Variants in PRKACB observed in about 807,000 individuals in gnomAD.
The protein encoded by PRKACB is protein kinase cAMP-activated catalytic subunit beta, also known as cAMP-dependent protein kinase catalytic subunit beta.
In PRKACB, 16 loss-of-function variants were observed where a neutral mutation model predicts 51.4. The observed-to-expected ratio is 0.31, with a 90% CI of 0.21 to 0.47. PRKACB has a LOEUF of 0.47. Among genes scored for constraint, PRKACB ranks in the 20% least tolerant of loss-of-function variants. PRKACB has a pLI of 1.00. For synonymous variants in PRKACB, 147 were observed against 154.4 expected, an observed-to-expected ratio of 0.95 and a Z score of 0.35; for missense variants, 309 against 464.5, an observed-to-expected ratio of 0.67 and a Z score of 3.08.
intron 1 of PRKACB, among the ~76,000 whole-genome samples, chr1:84,079,880 G>A (rs1333666502): frequency 6.6e-6 from 1 of 152,062 alleles, no homozygotes; most frequent in Non-Finnish European, 1.5e-5. Flanking sequence ...TGGTCAGGCT[G>A]GTCTCGAACT....
At chr1:84,147,743 A>C (rs1191670231) in intron 1 of PRKACB, among the ~76,000 whole-genome samples, 2 of 152,084 alleles carry the variant, frequency 1.3e-5, no homozygotes, top group Non-Finnish European at 2.9e-5. Context: ...TGAGACCTAG[A>C]GAAGAAGGTT....
chr1:84,190,321 A>G (rs1666382820), intron 5 of PRKACB, among the ~76,000 whole-genome samples: 1 of 151,964 alleles, frequency 6.6e-6, no homozygotes, highest in African/African-American at 2.4e-5. Flanking sequence ...AAATTACATG[A>G]GACATTGATT....
chr1:84,179,234 C>T lies in PRKACB; in HGVS notation c.245C>T (p.Thr82Ile), dbSNP rs1662377427. 2.5e-6 allele frequency: 4 copies of T among 1,576,854 alleles called. No homozygotes were observed. The South Asian group carries it at 3.6e-5, about 14-fold the overall frequency. ...EDFLKKWENP[T>I]QNNAGLEDFE... Reference sequence around the variant, plus strand: ...TTTTTGAAAAAATGGGAGAATCCAACTCAGGTAAGGAATATTTAGATTTTT... The same window carrying T: ...TTTTTGAAAAAATGGGAGAATCCAATTCAGGTAAGGAATATTTAGATTTTT... The change falls in exon 2 of 10, where the codon ACT becomes ATT. Residue 82 changes from threonine to isoleucine, a missense_variant. This residue lies in a region of PRKACB where 153 missense variants were observed against 190.2 expected (regional missense o/e 0.80). Coordinates refer to ENST00000370685, the MANE Select transcript of PRKACB (RefSeq NM_182948.4).
At chr1:84,125,379 G>T (rs920983034) in intron 1 of PRKACB, among the ~76,000 whole-genome samples, 1 of 152,188 alleles carries the variant, frequency 6.6e-6, no homozygotes, top group Non-Finnish European at 1.5e-5. Flanking sequence ...GCTGGACAAG[G>T]TTCTCTGCTT....
intron 1 of PRKACB, among the ~76,000 whole-genome samples, chr1:84,159,930 A>C (rs1655977755): frequency 6.6e-6 from 1 of 152,122 alleles, no homozygotes; most frequent in Non-Finnish European, 1.5e-5. Context: ...AATAAATCCC[A>C]CATGGTCATT....
At chr1:84,173,282 T>C (rs762826857) in intron 1 of PRKACB, 1 of 1,467,184 alleles carries the variant, frequency 6.8e-7, no homozygotes. Flanking sequence ...CTTGTAGGTA[T>C]GTTATTTTAT....
intron 1 of PRKACB, among the ~76,000 whole-genome samples, chr1:84,104,743 G>T (rs1008515674): frequency 1.3e-5 from 2 of 152,080 alleles, no homozygotes; most frequent in African/African-American, 2.4e-5. Context: ...GTGGCCATTT[G>T]TATGTAGAAC....
chr1:84,199,753 A>G (rs1669515504), intron 7 of PRKACB, among the ~76,000 whole-genome samples: 1 of 152,150 alleles, frequency 6.6e-6, no homozygotes, highest in Non-Finnish European at 1.5e-5. Flanking sequence ...GGTTGAACTA[A>G]TTTACACTCC....
chr1:84,140,754 C>T (rs938487022), upstream of PRKACB, among the ~76,000 whole-genome samples: 3 of 152,082 alleles, frequency 2.0e-5, no homozygotes, highest in African/African-American at 7.2e-5. Flanking sequence ...CTTCTTCACT[C>T]TTATTTGGAA....
At chr1:84,127,661 GATAGCT>G (rs933261608) in intron 1 of PRKACB, among the ~76,000 whole-genome samples, 163 of 151,670 alleles carry the variant, frequency 1.1e-3, no homozygotes, top group African/African-American at 3.8e-3. Context: ...TCTTATATTT[GATAGCT>G]ATAGACAATA....
chr1:84,135,741 T>A (rs1405295359), intron 1 of PRKACB, among the ~76,000 whole-genome samples: 1 of 152,148 alleles, frequency 6.6e-6, no homozygotes. Context: ...TTTATCAATT[T>A]TTTTTTGCAA....
intron 8 of PRKACB, among the ~76,000 whole-genome samples, chr1:84,203,776 G>C (rs1670804075): frequency 6.6e-6 from 1 of 151,934 alleles, no homozygotes; most frequent in African/African-American, 2.4e-5. Context: ...ATTAGCCTGA[G>C]ATGTTATAGA....
intron 1 of PRKACB, among the ~76,000 whole-genome samples, chr1:84,117,044 TC>T (rs1181341877): frequency 6.6e-6 from 1 of 152,090 alleles, no homozygotes; most frequent in Non-Finnish European, 1.5e-5. Flanking sequence ...GTTTTTTTTT[TC>T]AGATGTCTTT....
chr1:84,139,624 A>G (rs191294296), upstream of PRKACB, among the ~76,000 whole-genome samples: 72 of 152,344 alleles, frequency 4.7e-4, no homozygotes, highest in African/African-American at 1.7e-3. Context: ...GAAAGACTCA[A>G]TATGGTTAAG....
intron 1 of PRKACB, among the ~76,000 whole-genome samples, chr1:84,088,766 A>G (rs1213510316): frequency 6.6e-6 from 1 of 152,228 alleles, no homozygotes; most frequent in African/African-American, 2.4e-5. Flanking sequence ...TTGAGCGCCT[A>G]CTTTAAACCA....
At chr1:84,152,079 G>T (rs1654917567) in intron 1 of PRKACB, among the ~76,000 whole-genome samples, 2 of 152,138 alleles carry the variant, frequency 1.3e-5, no homozygotes, top group Admixed American at 6.6e-5. Flanking sequence ...CTGCAGAATG[G>T]ATGTTGTGTT....
intron 1 of PRKACB, among the ~76,000 whole-genome samples, chr1:84,084,227 A>C (rs1435979158): frequency 6.6e-6 from 1 of 152,196 alleles, no homozygotes; most frequent in Non-Finnish European, 1.5e-5. Flanking sequence ...AGCATTGATA[A>C]GTGAAGATGC....
rs534669604 is a variant in PRKACB, at chr1:84,228,260, G to A, written c.1072-6920G>A. 1.6e-3 allele frequency among the ~76,000 whole-genome samples: 251 copies of A among 152,266 alleles called. 4 individuals carry two copies. In the South Asian group the frequency reaches 0.05, roughly 30 times the overall value. On this transcript the variant is annotated intron_variant, in intron 9 of 9. Transcript: ENST00000370685. ...AAATAACTATATATATGTTGATTAT[G>A]TGTACTAGAAAATGTTTTAATGAAA...
intron 1 of PRKACB, among the ~76,000 whole-genome samples, chr1:84,097,633 G>A (rs956794977): frequency 6.6e-6 from 1 of 152,040 alleles, no homozygotes; most frequent in African/African-American, 2.4e-5. Context: ...GGGGAACCAG[G>A]AAACCTGGTG....
Sources: allele counts gnomAD v4.1 joint callset (sites outside exome capture counted in the v4.1 genomes callset), GRCh38; gene constraint gnomAD v4.1.1; regional missense constraint gnomAD v4.1.1; transcripts MANE v1.5; gene names NCBI Gene and HGNC (gene_info 2026-07-23, HGNC 2026-07-21).